The following C20orf173 variants were observed in gnomAD, a reference collection of about 807,000 sequenced individuals.
C20orf173 encodes chromosome 20 open reading frame 173, also known as uncharacterized protein C20orf173.
A neutral mutation model predicts 26.7 loss-of-function variants in C20orf173; 22 were observed. The observed-to-expected ratio is 0.82, with a 90% confidence interval of 0.59 to 1.18. The LOEUF (loss-of-function observed/expected upper bound fraction) is 1.18, where lower values mean the gene tolerates loss of function less well. Among genes scored for constraint, C20orf173 ranks in the 50% most tolerant of loss-of-function variants. The pLI, the probability that C20orf173 is intolerant of heterozygous loss-of-function variation, is 0.00. For missense variants in C20orf173, 210 were observed against 250.3 expected (o/e 0.84, Z 1.09); for synonymous variants, 85 against 96.4 (o/e 0.88, Z 0.69).
rs769817846 is a variant in C20orf173, at chr20:35,528,681, G to T, written c.488+20C>A. On this transcript the variant is annotated intron_variant, in intron 3 of 5. Transcript: ENST00000444723. ...GGGCAGGCCTGGCCTTCCTGCTCCCGCCCTCTCCCCAGCACCCACCTGAAA... is the reference window on the plus strand; with the variant it reads ...GGGCAGGCCTGGCCTTCCTGCTCCCTCCCTCTCCCCAGCACCCACCTGAAA... The T allele has an allele frequency of 2.0e-6, 3 of 1,528,060 alleles. No homozygotes were observed. The Admixed American group carries it at 6.1e-5, about 31-fold the overall frequency. 94.7% of individuals were successfully genotyped at this position (1,528,060 alleles called of 1,614,324 possible).
Position 35,529,429 on chromosome 20 carries a change from A to G in C20orf173, c.-51-5T>C. 5 of 1,456,142 alleles carry G rather than the reference A, an allele frequency of 3.4e-6. No homozygotes were observed. Among genetic ancestry groups the G allele is most frequent in the Non-Finnish European group, 4.6e-6 (5 of 1,094,808 alleles). The allele number at this position is 1,456,142 out of a possible 1,614,324, so 90.2% of individuals were successfully genotyped here. ...GCCGTAGACTGGCTTCTCTACCTGT[A>G]AGGATGAGGGGCTGAGGCCACAGAC... On this transcript the variant is annotated splice_polypyrimidine_tract_variant and splice_region_variant and intron_variant, in intron 1 of 5. Coordinates refer to ENST00000444723, the MANE Select transcript of C20orf173 (RefSeq NM_001145350.2).
chr20:35,525,878 G>C (rs1473716881), downstream of C20orf173, among the ~76,000 whole-genome samples: 1 of 152,138 alleles, frequency 6.6e-6, no homozygotes, highest in Admixed American at 6.6e-5. Flanking sequence ...CAAATTAAGG[G>C]GTGAATTATG....
downstream of C20orf173, among the ~76,000 whole-genome samples, chr20:35,521,652 A>G (rs1323891872): frequency 2.0e-5 from 3 of 149,070 alleles, no homozygotes; most frequent in South Asian, 6.4e-4. Context: ...CTTGTTGCCC[A>G]GGCTGGAGTA....
downstream of C20orf173, chr20:35,522,455 C>G (rs2064480589): frequency 6.6e-6 from 1 of 152,426 alleles, no homozygotes; most frequent in Admixed American, 6.5e-5. Context: ...CCACTCCAGA[C>G]CAGATGAATT....
downstream of C20orf173, among the ~76,000 whole-genome samples, chr20:35,524,979 A>G (rs992643522): frequency 1.3e-5 from 2 of 151,832 alleles, no homozygotes; most frequent in Admixed American, 6.6e-5. Flanking sequence ...GATTATAGGC[A>G]TGATCCACTG....
At chr20:35,525,258 A>C (rs2064496590), downstream of C20orf173, among the ~76,000 whole-genome samples, 1 of 151,982 alleles carries the variant, frequency 6.6e-6, no homozygotes, top group South Asian at 2.1e-4. Context: ...TGTTTATAAG[A>C]TGAGGGAAAT....
At chr20:35,525,456 G>A (rs1368713303), downstream of C20orf173, among the ~76,000 whole-genome samples, 2 of 152,140 alleles carry the variant, frequency 1.3e-5, no homozygotes. Context: ...AGAGGCTGAG[G>A]CAGGAGAATT....
chr20:35,528,542 T>G lies in C20orf173; in HGVS notation c.491A>C (p.Asn164Thr), dbSNP rs1437876324. ...DIDQYPVVFRNASDQGSWMQL... is the reference protein window; with the variant it reads ...DIDQYPVVFRTASDQGSWMQL... ...CATCCAGGAGCCCTGGTCGCTGGCATTCCTGGGATAGATGAAGCATTGTGT... is the reference window on the plus strand; with the variant it reads ...CATCCAGGAGCCCTGGTCGCTGGCAGTCCTGGGATAGATGAAGCATTGTGT... The change falls in exon 4 of 6, where the codon AAT becomes ACT. Residue 164 changes from asparagine (N) to threonine (T), a missense_variant and splice_region_variant. Coordinates refer to ENST00000444723, the MANE Select transcript of C20orf173 (RefSeq NM_001145350.2). The G allele has an allele frequency of 4.5e-6, 7 of 1,551,680 alleles. No homozygotes were observed. The highest frequency in any genetic ancestry group is 1.7e-4 in the Middle Eastern group (1 of 5,974).
Position 35,528,169 on chromosome 20 carries a change from G to T in C20orf173, c.*25+64C>A. The T allele has an allele frequency of 2.8e-6, 4 of 1,430,352 alleles. No homozygotes were observed. In the South Asian group the frequency reaches 4.9e-5, roughly 18 times the overall value. The allele number at this position is 1,430,352 out of a possible 1,614,324, so 88.6% of individuals were successfully genotyped here. Reference sequence around the variant, plus strand: ...CCTGGGGAGGAAGGGGGAGGGAACTGACCTGGGGCCCTTCCCACAGCAACC... The same window carrying T: ...CCTGGGGAGGAAGGGGGAGGGAACTTACCTGGGGCCCTTCCCACAGCAACC... On this transcript the variant is annotated intron_variant, in intron 5 of 5. Transcript: ENST00000444723.
chr20:35,522,000 G>C (rs1452326244), downstream of C20orf173: 3 of 152,664 alleles, frequency 2.0e-5, no homozygotes, highest in African/African-American at 7.2e-5. Flanking sequence ...GCATACAACA[G>C]AGCCACAAAC....
chr20:35,527,504 C>T (rs1178907477), intron 5 of C20orf173, among the ~76,000 whole-genome samples: 1 of 152,142 alleles, frequency 6.6e-6, no homozygotes, highest in East Asian at 1.9e-4. Flanking sequence ...AAGGGCATTC[C>T]AGGCAAACGG....
chr20:35,522,723 T>G (rs1022340795), downstream of C20orf173: 6 of 152,920 alleles, frequency 3.9e-5, no homozygotes, highest in Non-Finnish European at 5.9e-5. Flanking sequence ...CAGAGCTCCA[T>G]AGAGACCTTG....
rs944430660 is a variant in C20orf173 at position 35,529,021 on chromosome 20, G to T, written c.309+44C>A. The stretch of plus-strand genomic sequence containing the variant: ...GGAAAGTGGGAGATGGGTGAGGCCC[G>T]GAAAGCATGGGGGATATGGCCGGGC... On this transcript the variant is annotated intron_variant, in intron 2 of 5. Transcript: ENST00000444723. 2.6e-5 allele frequency: 40 copies of T among 1,538,498 alleles called. No individual in the cohort carries two copies. The Admixed American group carries it at 7.7e-4, about 30-fold the overall frequency.
In C20orf173 at chr20:35,529,141, G is replaced by C; in HGVS notation, c.233C>G (p.Ala78Gly). ...HTADEWNWLDACSRKTMGYLM... is the reference protein window; with the variant it reads ...HTADEWNWLDGCSRKTMGYLM... ...GTACCCCATAGTCTTCCTGGAGCAC[G>C]CATCAAGCCAGTTCCATTCGTCGGC... Residue 78 changes from alanine to glycine, a missense_variant, in exon 2 of 6, where the codon GCG becomes GGG. Ala to Gly is a moderately conservative substitution (Grantham distance 60, BLOSUM62 0). Transcript: ENST00000444723. 1 of 1,551,688 alleles carries C rather than the reference G, an allele frequency of 6.4e-7. No homozygotes were observed. The highest frequency in any genetic ancestry group is 2.4e-5 in the East Asian group (1 of 40,924).
Position 35,529,075 on chromosome 20 carries a change from A to T in C20orf173, c.299T>A (p.Leu100His). Residue 100 changes from leucine (L) to histidine (H), a missense_variant, in exon 2 of 6, where the codon CTC becomes CAC. Physicochemically the swap from Leu to His is moderately conservative, Grantham distance 99. Transcript: ENST00000444723. The stretch of plus-strand genomic sequence containing the variant: ...GTGTTGACCACTGACCAACCACCAG[A>T]GCACAGTGTCAGAGGTCATAGACTC... ...TRESMTSDTV[L>H]WWLGMNSGSE... 6.5e-7 allele frequency: 1 copy of T among 1,550,108 alleles called. No homozygotes were observed. The highest frequency in any genetic ancestry group is 8.7e-7 in the Non-Finnish European group (1 of 1,145,694).
At chr20:35,524,386 T>A (rs552061201), downstream of C20orf173, among the ~76,000 whole-genome samples, 350 of 152,296 alleles carry the variant, frequency 2.3e-3, 3 homozygotes, top group Middle Eastern at 6.8e-3. Flanking sequence ...AAATACATGA[T>A]TTATAAATTT....
chr20:35,523,463 A>G (rs1182565115), downstream of C20orf173: 3 of 151,676 alleles, frequency 2.0e-5, no homozygotes, highest in Non-Finnish European at 4.4e-5. Context: ...TTGACATTAC[A>G]CCTCCTCCCA....
intron 5 of C20orf173, among the ~76,000 whole-genome samples, chr20:35,527,656 GTCAC>G (rs2064512673): frequency 6.6e-6 from 1 of 151,032 alleles, no homozygotes. Flanking sequence ...GTCTCGCTCT[GTCAC>G]CAGGCTGGAG....
At chr20:35,527,874 C>T (rs1045191456) in intron 5 of C20orf173, among the ~76,000 whole-genome samples, 12 of 152,064 alleles carry the variant, frequency 7.9e-5, no homozygotes, top group African/African-American at 1.4e-4. Flanking sequence ...AGGCTGGTCT[C>T]GAACTCCTGA....
Sources: gnomAD v4.1 joint callset for allele counts (sites outside exome capture counted in the v4.1 genomes callset) on GRCh38, gnomAD v4.1.1 for gene constraint, MANE v1.5 for transcripts, NCBI Gene and HGNC (gene_info 2026-07-23, HGNC 2026-07-21) for gene names.